The following IRAG1 variants were observed in gnomAD, a reference collection of about 807,000 sequenced individuals.
IRAG1 encodes IP3R-associated cGMP kinase substrate.
A neutral mutation model predicts 106.2 loss-of-function variants in IRAG1; 62 were observed. That is an observed-to-expected ratio of 0.58 (90% CI 0.48 to 0.72). The LOEUF is 0.72. IRAG1 is among the 30% of genes least tolerant of loss of function. IRAG1 has a pLI of 0.00. For synonymous variants in IRAG1, 462 were observed against 443.9 expected, an observed-to-expected ratio of 1.04 and a Z score of -0.51; for missense variants, 1,064 against 1,140.7, an observed-to-expected ratio of 0.93 and a Z score of 0.97.
At chr11:10,617,932 A>C (rs1470629280) in intron 10 of IRAG1, among the ~76,000 whole-genome samples, 1 of 146,920 alleles carries the variant, frequency 6.8e-6, no homozygotes, top group Non-Finnish European at 1.5e-5. Context: ...CAGCTCTCAC[A>C]ATCTGTCCAG....
In IRAG1 at chr11:10,665,828, CAAG is replaced by C. The variant is rs1295503332; in HGVS notation, c.68-13649_68-13647del. ...AACTGCAGGATGGTGGGTGTGTACA[CAAG>C]AAGACACGTGATAAAGTAAAAGTGA... is the stretch of plus-strand genomic sequence containing the variant. On this transcript the variant is annotated intron_variant, in intron 1 of 20. Transcript: ENST00000423302. The surrounding 1 kb of genome is among the most constrained non-coding windows in gnomAD (Gnocchi z 4.2). 6.6e-6 allele frequency among the ~76,000 whole-genome samples: 1 copy of C among 152,142 alleles called. No individual in the cohort carries two copies. The highest frequency in any genetic ancestry group is 1.5e-5 in the Non-Finnish European group (1 of 68,030).
At chr11:10,636,665 T>C (rs1275866521) in intron 2 of IRAG1, among the ~76,000 whole-genome samples, 1 of 152,136 alleles carries the variant, frequency 6.6e-6, no homozygotes, top group Non-Finnish European at 1.5e-5. Context: ...TACAGGGAAG[T>C]AACTCATAAT....
At chr11:10,610,991 G>A (rs1233504797) in intron 10 of IRAG1, among the ~76,000 whole-genome samples, 1 of 152,190 alleles carries the variant, frequency 6.6e-6, no homozygotes, top group East Asian at 1.9e-4. Context: ...CAGGACTATA[G>A]GCATAGTTGT....
chr11:10,693,689 G>T lies in IRAG1; in HGVS notation c.-87C>A. ...CTCGGCCGCACGCCTCCTCTGAGAG[G>T]GGCTGGGACTTAGAGCCGAGAGCTC... On this transcript the variant is annotated 5_prime_UTR_variant, in exon 1 of 21. Transcript: ENST00000423302. 1 of 1,453,668 alleles carries T rather than the reference G, an allele frequency of 6.9e-7. No homozygotes were observed. 90.0% of individuals were successfully genotyped at this position (1,453,668 alleles called of 1,614,324 possible). A position where few individuals can be genotyped will look rare whatever the true frequency, so the allele number is the denominator to read the frequency against.
At chr11:10,581,280 G>C (rs139018194) in intron 19 of IRAG1, among the ~76,000 whole-genome samples, 202 of 152,294 alleles carry the variant, frequency 1.3e-3, no homozygotes, top group African/African-American at 4.3e-3. Context: ...TCTTCCTCAT[G>C]AGCTATGGAG....
chr11:10,679,464 A>C (rs1002401468), intron 1 of IRAG1, among the ~76,000 whole-genome samples: 1 of 152,194 alleles, frequency 6.6e-6, no homozygotes, highest in Non-Finnish European at 1.5e-5. Context: ...GCCACTTTGC[A>C]GATAAGGAAA....
chr11:10,628,004 G>A lies in IRAG1; in HGVS notation c.674C>T (p.Pro225Leu), dbSNP rs1396680033. Residue 225 changes from proline (P) to leucine (L), a missense_variant, in exon 7 of 21, where the codon CCG (proline) becomes CTG (leucine). By Grantham distance (98) the Pro-to-Leu change is moderately conservative. Transcript: ENST00000423302. This position sits in a 1 kb window ranked among gnomAD's most constrained non-coding sequence, Gnocchi z 4.1. ...TPPGLDVCSG[P>L]PSPLPGAPPQ... ...TGGTGCTCCAGGCAGAGGGGATGGC[G>A]GGCCACTGCACACATCCAAACCTGG... 1.9e-5 allele frequency: 31 copies of A among 1,611,706 alleles called. No homozygotes were observed. Among genetic ancestry groups the A allele is most frequent in the Non-Finnish European group, 2.5e-5 (29 of 1,178,476 alleles).
intron 20 of IRAG1, 45 bp from the exon 21 acceptor site, chr11:10,576,620 C>T (rs188224614): frequency 5.5e-5 from 88 of 1,609,404 alleles, no homozygotes; most frequent in Non-Finnish European, 7.2e-5. Flanking sequence ...ATACTGGGCA[C>T]ACATATGATA....
At chr11:10,677,237 C>G (rs1860756476) in intron 1 of IRAG1, among the ~76,000 whole-genome samples, 1 of 152,208 alleles carries the variant, frequency 6.6e-6, no homozygotes, top group Non-Finnish European at 1.5e-5. Flanking sequence ...TCTTACCTAC[C>G]TGCCAGATCC....
intron 2 of IRAG1, among the ~76,000 whole-genome samples, chr11:10,650,633 G>GTGAGTGTTT (rs1179319798): frequency 1.3e-5 from 2 of 152,218 alleles, no homozygotes; most frequent in African/African-American, 4.8e-5. Flanking sequence ...GAATGCAGTT[G>GTGAGTGTTT]TGAGTGTTTT....
rs1273004584 is a variant in IRAG1 at position 10,581,998 on chromosome 11, A to G, written c.2241-12T>C. The G allele has an allele frequency of 3.1e-6, 5 of 1,606,508 alleles. No homozygotes were observed. Among genetic ancestry groups the G allele is most frequent in the Non-Finnish European group, 4.2e-6 (5 of 1,176,906 alleles). ...CATTTGTCTTTCCACTAGTGAGAAG[A>G]GGGAAGTACAGGGCATCATTTCAGA... is the stretch of plus-strand genomic sequence containing the variant. On this transcript the variant is annotated splice_polypyrimidine_tract_variant and intron_variant, in intron 18 of 20. Coordinates refer to ENST00000423302, the MANE Select transcript of IRAG1 (RefSeq NM_130385.4).
chr11:10,661,018 A>T (rs1246963062), intron 1 of IRAG1, among the ~76,000 whole-genome samples: 1 of 152,204 alleles, frequency 6.6e-6, no homozygotes, highest in Non-Finnish European at 1.5e-5. Flanking sequence ...ATACCAGAGC[A>T]GTCTGTCTGA....
intron 1 of IRAG1, among the ~76,000 whole-genome samples, chr11:10,686,762 T>A (rs1054327966): frequency 6.6e-6 from 1 of 152,184 alleles, no homozygotes; most frequent in Non-Finnish European, 1.5e-5. Flanking sequence ...CTAGTTACTA[T>A]CCTCCTTGAA....
chr11:10,644,331 G>C (rs1559652), intron 2 of IRAG1, among the ~76,000 whole-genome samples: 101,283 of 152,132 alleles, frequency 0.67, 34,561 homozygotes, highest in Middle Eastern at 0.8. Context: ...CAGGTGCCCA[G>C]TAGTTGCTAC....
At chr11:10,633,293 T>A (rs1405308154) in intron 3 of IRAG1, among the ~76,000 whole-genome samples, 1 of 152,274 alleles carries the variant, frequency 6.6e-6, no homozygotes, top group Non-Finnish European at 1.5e-5. Flanking sequence ...GCCAGGATGG[T>A]CTCGATCTCC....
intron 1 of IRAG1, among the ~76,000 whole-genome samples, chr11:10,653,526 A>C (rs980338883): frequency 6.6e-6 from 1 of 152,224 alleles, no homozygotes; most frequent in South Asian, 2.1e-4. Context: ...TAGCAATGCC[A>C]GGTTTCCATA....
intron 1 of IRAG1, among the ~76,000 whole-genome samples, chr11:10,689,347 C>T (rs566497741): frequency 9.2e-5 from 14 of 152,244 alleles, no homozygotes; most frequent in African/African-American, 3.4e-4. Flanking sequence ...CCTGGACAGT[C>T]GGTCAACCTA....
chr11:10,629,614 T>G lies in IRAG1; in HGVS notation c.498A>C (p.Glu166Asp), dbSNP rs760829571. 6.2e-7 allele frequency: 1 copy of G among 1,614,018 alleles called. No homozygotes were observed. The highest frequency in any genetic ancestry group is 8.5e-7 in the Non-Finnish European group (1 of 1,179,888). ...GGAATCGCTCACTCACCAACTTGGC[T>G]TCTTCCAGCAGCGCCAGGTTTTTCT... is the stretch of plus-strand genomic sequence containing the variant. ...DKKKNLALLE[E>D]AKLVSERFLT... The change falls in exon 5 of 21, where the codon GAA (glutamate) becomes GAC (aspartate). Residue 166 changes from glutamate (E) to aspartate (D), a missense_variant. Glu to Asp is a conservative substitution (Grantham distance 45). Transcript: ENST00000423302.
intron 15 of IRAG1, 36 bp downstream of exon 15, chr11:10,600,881 TG>T: frequency 6.2e-7 from 1 of 1,612,454 alleles, no homozygotes. Flanking sequence ...AAGTCCACCT[TG>T]TAGGGCCAAG....
Sources: allele counts gnomAD v4.1 joint callset (sites outside exome capture counted in the v4.1 genomes callset), GRCh38; gene constraint gnomAD v4.1.1; non-coding constraint Gnocchi (gnomAD v3.1); transcripts MANE v1.5; gene names NCBI Gene and HGNC (gene_info 2026-07-23, HGNC 2026-07-21).